The following CNTNAP2 variants were observed in gnomAD, a reference collection of about 807,000 sequenced individuals.
CNTNAP2 encodes the protein contactin-associated protein-like 2.
A neutral mutation model predicts 155.2 loss-of-function variants in CNTNAP2; 98 were observed. The ratio of observed to expected loss-of-function variants is 0.63; its 90% confidence interval spans 0.54 to 0.75. The LOEUF is 0.75. CNTNAP2 is among the 30% of genes least tolerant of loss of function. The pLI, the probability that CNTNAP2 is intolerant of heterozygous loss-of-function variation, is 0.00. For synonymous variants in CNTNAP2, 651 were observed against 631.2 expected, an observed-to-expected ratio of 1.03 and a Z score of -0.47; for missense variants, 1,727 against 1,688.1, an observed-to-expected ratio of 1.02 and a Z score of -0.40.
At chr7:148,356,674 A>G (rs760995195) in intron 21 of CNTNAP2, among the ~76,000 whole-genome samples, 3 of 152,168 alleles carry the variant, frequency 2.0e-5, no homozygotes, top group Non-Finnish European at 4.4e-5. Flanking sequence ...TTTGCCAAAC[A>G]TGGACAAAGA....
chr7:146,233,464 C>T (rs1020024988), intron 1 of CNTNAP2, among the ~76,000 whole-genome samples: 3 of 149,244 alleles, frequency 2.0e-5, no homozygotes, highest in African/African-American at 7.4e-5. Flanking sequence ...CTCTGTGACT[C>T]TTTTTTTTTT....
chr7:146,919,923 C>A (rs150007222), intron 3 of CNTNAP2, among the ~76,000 whole-genome samples: 201 of 152,312 alleles, frequency 1.3e-3, no homozygotes, highest in African/African-American at 4.7e-3. Flanking sequence ...CTCTGTCCAT[C>A]TAAGTGGGAG....
chr7:147,721,471 T>C (rs1356026446), intron 13 of CNTNAP2, among the ~76,000 whole-genome samples: 8 of 152,074 alleles, frequency 5.3e-5, no homozygotes. Context: ...ATTTGTGGTG[T>C]ATGCCTTTTC....
intron 1 of CNTNAP2, among the ~76,000 whole-genome samples, chr7:146,498,573 G>A (rs6980007): frequency 0.076 from 11,462 of 151,622 alleles, 1,399 homozygotes; most frequent in African/African-American, 0.26. Context: ...TTTCAATTCC[G>A]TTTACAATCA....
intron 12 of CNTNAP2, among the ~76,000 whole-genome samples, chr7:147,605,611 T>C (rs1024629260): frequency 6.6e-6 from 1 of 152,116 alleles, no homozygotes; most frequent in East Asian, 1.9e-4. Flanking sequence ...GTGATATAAA[T>C]CCATCTTCCC....
chr7:146,524,118 T>C (rs1052692991), intron 1 of CNTNAP2, among the ~76,000 whole-genome samples: 4 of 152,142 alleles, frequency 2.6e-5, no homozygotes, highest in Non-Finnish European at 5.9e-5. Flanking sequence ...AAGAGTATCA[T>C]GCGAGTTTGT....
chr7:146,509,983 C>T (rs772700384), intron 1 of CNTNAP2, among the ~76,000 whole-genome samples: 33 of 152,128 alleles, frequency 2.2e-4, no homozygotes, highest in Non-Finnish European at 4.0e-4. Context: ...GGCCACACGG[C>T]TGACCTAGGA....
At chr7:147,780,945 G>A (rs926713199) in intron 13 of CNTNAP2, among the ~76,000 whole-genome samples, 2 of 152,146 alleles carry the variant, frequency 1.3e-5, no homozygotes, top group Non-Finnish European at 1.5e-5. Flanking sequence ...TCCAAGTGAG[G>A]AGACAGGTTC....
At chr7:147,034,370 G>GT (rs1258015291) in intron 3 of CNTNAP2, among the ~76,000 whole-genome samples, 1 of 152,104 alleles carries the variant, frequency 6.6e-6, no homozygotes, top group Non-Finnish European at 1.5e-5. Context: ...CACTTCTTCA[G>GT]TGCTCCCCTG....
At chr7:147,555,361 A>C (rs1172887256) in intron 11 of CNTNAP2, among the ~76,000 whole-genome samples, 1 of 152,134 alleles carries the variant, frequency 6.6e-6, no homozygotes, top group Non-Finnish European at 1.5e-5. Context: ...CAAGGGTAGA[A>C]ATTCCCAGAA....
chr7:146,571,883 C>G (rs968119608), intron 1 of CNTNAP2, among the ~76,000 whole-genome samples: 1 of 152,072 alleles, frequency 6.6e-6, no homozygotes, highest in African/African-American at 2.4e-5. Flanking sequence ...AGGCGCCCGC[C>G]ACCACACCCA....
chr7:146,837,992 C>T (rs1364332242), intron 2 of CNTNAP2, among the ~76,000 whole-genome samples: 2 of 152,194 alleles, frequency 1.3e-5, no homozygotes, highest in African/African-American at 2.4e-5. Context: ...CATGGTGTTT[C>T]TTCTGAGTCC....
At chr7:147,183,200 CA>C (rs946012042) in intron 8 of CNTNAP2, among the ~76,000 whole-genome samples, 2 of 150,648 alleles carry the variant, frequency 1.3e-5, no homozygotes, top group African/African-American at 2.4e-5. Flanking sequence ...AATTAAAATA[CA>C]AAAAAATCAT....
At chr7:148,181,676 C>CAGGACAA (rs1177803428) in intron 18 of CNTNAP2, among the ~76,000 whole-genome samples, 1 of 146,966 alleles carries the variant, frequency 6.8e-6, no homozygotes, top group Non-Finnish European at 1.5e-5. Context: ...AAATCTAATA[C>CAGGACAA]AGGACAAAGT....
At chr7:146,648,863 AAC>A (rs1799858896) in intron 1 of CNTNAP2, among the ~76,000 whole-genome samples, 1 of 152,136 alleles carries the variant, frequency 6.6e-6, no homozygotes, top group Non-Finnish European at 1.5e-5. Flanking sequence ...GACTCAAATC[AAC>A]AGAGGAGAGA....
intron 11 of CNTNAP2, among the ~76,000 whole-genome samples, chr7:147,531,056 T>C (rs908156312): frequency 1.3e-5 from 2 of 152,202 alleles, no homozygotes; most frequent in African/African-American, 4.8e-5. Context: ...TGACCCCAGA[T>C]CTGACATCCA....
intron 1 of CNTNAP2, among the ~76,000 whole-genome samples, chr7:146,166,479 G>A (rs1798314534): frequency 6.6e-6 from 1 of 152,062 alleles, no homozygotes. Flanking sequence ...ATTGGAATTT[G>A]TTTTCTATAG....
intron 1 of CNTNAP2, among the ~76,000 whole-genome samples, chr7:146,175,961 A>C (rs1175184899): frequency 6.6e-6 from 1 of 152,188 alleles, no homozygotes; most frequent in Non-Finnish European, 1.5e-5. Context: ...GAGCTATGGA[A>C]AGTACAGAAA....
At chr7:146,313,151 T>A (rs1404653425) in intron 1 of CNTNAP2, among the ~76,000 whole-genome samples, 3 of 152,178 alleles carry the variant, frequency 2.0e-5, no homozygotes, top group Non-Finnish European at 4.4e-5. Flanking sequence ...CCAAAATAGG[T>A]GTACTAATAT....
Sources: allele counts gnomAD v4.1 joint callset (sites outside exome capture counted in the v4.1 genomes callset), GRCh38; gene constraint gnomAD v4.1.1; transcripts MANE v1.5; gene names NCBI Gene and HGNC (gene_info 2026-07-23, HGNC 2026-07-21).